The following RALGPS1 variants were observed in gnomAD, a reference collection of about 807,000 sequenced individuals.
RALGPS1 encodes Ral GEF with PH domain and SH3 binding motif 1.
A neutral mutation model predicts 78.8 loss-of-function variants in RALGPS1; 19 were observed. The ratio of observed to expected loss-of-function variants is 0.24; its 90% CI spans 0.17 to 0.35. The LOEUF (loss-of-function observed/expected upper bound fraction) is 0.35. RALGPS1 is among the 10% of genes least tolerant of loss of function. The pLI is 1.00. For missense variants in RALGPS1, 454 were observed against 688.3 expected, an observed-to-expected ratio of 0.66 and a Z score of 3.81; for synonymous variants, 228 against 256.3, an observed-to-expected ratio of 0.89 and a Z score of 1.06.
intron 3 of RALGPS1, among the ~76,000 whole-genome samples, chr9:126,972,498 T>C (rs1564338626): frequency 6.6e-6 from 1 of 152,230 alleles, no homozygotes; most frequent in Non-Finnish European, 1.5e-5. Context: ...ATCTAAGCAG[T>C]GAACATCAAT....
chr9:126,991,950 ACCTCATCTGTCATTGCTATATC>A (rs1486729320), intron 4 of RALGPS1, among the ~76,000 whole-genome samples: 1 of 152,192 alleles, frequency 6.6e-6, no homozygotes, highest in Non-Finnish European at 1.5e-5. Flanking sequence ...CAAGGGTAGG[ACCTCATCTGTCATTGCTATATC>A]CCTCATGGCA....
At chr9:127,070,173 T>C (rs756087140) in intron 8 of RALGPS1, among the ~76,000 whole-genome samples, 2 of 152,198 alleles carry the variant, frequency 1.3e-5, no homozygotes, top group Non-Finnish European at 2.9e-5. Flanking sequence ...ATCCCTCACA[T>C]GTGCAGTTCA....
intron 8 of RALGPS1, chr9:127,087,715 G>T (rs1459835655): frequency 6.6e-6 from 1 of 152,172 alleles, no homozygotes; most frequent in Non-Finnish European, 1.5e-5. Context: ...CTGAGAAGTG[G>T]CCTGTTTTCA....
chr9:127,126,379 G>T (rs2056619032), intron 8 of RALGPS1, among the ~76,000 whole-genome samples: 1 of 152,084 alleles, frequency 6.6e-6, no homozygotes, highest in Non-Finnish European at 1.5e-5. Context: ...TTCCATGTGG[G>T]TTTACTGAGC....
Position 127,218,878 on chromosome 9 carries a change from C to A in RALGPS1, c.*109C>A. Reference sequence around the variant, plus strand: ...CTGTGAGCCAGGGTGCTGGGAAACTCACAGCTGGACTCAGGGGACACGGCC... The same window carrying A: ...CTGTGAGCCAGGGTGCTGGGAAACTAACAGCTGGACTCAGGGGACACGGCC... On this transcript the variant is annotated 3_prime_UTR_variant, in exon 19 of 19. Transcript: ENST00000259351. This position sits in a 1 kb window ranked among gnomAD's most constrained non-coding sequence, Gnocchi z 4.4. 2 of 1,272,468 alleles carry A rather than the reference C, an allele frequency of 1.6e-6. No homozygotes were observed. The highest frequency in any genetic ancestry group is 1.1e-6 in the Non-Finnish European group (1 of 871,734). The allele number at this position is 1,272,468 out of a possible 1,614,324, so 78.8% of individuals were successfully genotyped here.
intron 14 of RALGPS1, among the ~76,000 whole-genome samples, chr9:127,203,997 A>T (rs2061792460): frequency 6.6e-6 from 1 of 152,130 alleles, no homozygotes; most frequent in South Asian, 2.1e-4. Flanking sequence ...CCACAGTGAA[A>T]GGCACAGCCA....
At chr9:127,084,765 C>T (rs772297192) in intron 8 of RALGPS1, among the ~76,000 whole-genome samples, 16 of 152,230 alleles carry the variant, frequency 1.1e-4, no homozygotes, top group Non-Finnish European at 2.1e-4. Context: ...AGAGCCAGTG[C>T]GGGGCCATGC....
Position 127,091,455 on chromosome 9 carries a change from T to C in RALGPS1, c.610+22099T>C, listed in dbSNP as rs1366719815. 6.6e-6 allele frequency among the ~76,000 whole-genome samples: 1 copy of C among 152,078 alleles called. No homozygotes were observed. The highest frequency in any genetic ancestry group is 2.4e-5 in the African/African-American group (1 of 41,400). On this transcript the variant is annotated intron_variant, in intron 8 of 18. Coordinates refer to ENST00000259351, the MANE Select transcript of RALGPS1 (RefSeq NM_014636.3). The surrounding 1 kb of genome is among the most constrained non-coding windows in gnomAD (Gnocchi z 4.3). Reference sequence around the variant, plus strand: ...GTCTCGCCCCATCCCATTTTTTTTTTCTTAATTTGTAAATGCCACTGTGAC... The same window carrying C: ...GTCTCGCCCCATCCCATTTTTTTTTCCTTAATTTGTAAATGCCACTGTGAC...
At chr9:127,120,678 A>T (rs2055963439) in intron 8 of RALGPS1, among the ~76,000 whole-genome samples, 1 of 152,030 alleles carries the variant, frequency 6.6e-6, no homozygotes, top group Non-Finnish European at 1.5e-5. Context: ...CACACACAAA[A>T]TTAGCTGGGC....
chr9:127,051,717 A>G (rs1374059585), intron 6 of RALGPS1, among the ~76,000 whole-genome samples: 1 of 152,210 alleles, frequency 6.6e-6, no homozygotes, highest in African/African-American at 2.4e-5. Flanking sequence ...TATGCATTTC[A>G]CTAGGCCCTA....
chr9:126,926,006 C>T lies in RALGPS1; in HGVS notation c.-66+11031C>T, dbSNP rs536569873. Among the ~76,000 whole-genome samples the T allele has an allele frequency of 7.2e-5, 11 of 152,314 alleles. No homozygotes were observed. In the South Asian group the frequency reaches 2.3e-3, roughly 32 times the overall value. On this transcript the variant is annotated intron_variant, in intron 1 of 18. Transcript: ENST00000259351. ...TCATGTTCTGGTCATGGCCTTGTTT[C>T]CTTGGACTGTGCCAGAAATAATGGA...
In RALGPS1 at chr9:126,952,084, A is replaced by G. The variant is rs554820213; in HGVS notation, c.-65-10141A>G. On this transcript the variant is annotated intron_variant, in intron 1 of 18. Coordinates refer to ENST00000259351, the MANE Select transcript of RALGPS1 (RefSeq NM_014636.3). The stretch of plus-strand genomic sequence containing the variant: ...ATTCACAATTGCTTCAAAGAGAATA[A>G]AGTACTTAGGAATCCAACTTACAAG... Among the ~76,000 whole-genome samples the G allele has an allele frequency of 4.6e-5, 7 of 152,298 alleles. No homozygotes were observed. In the South Asian group the frequency reaches 1.5e-3, roughly 32 times the overall value.
chr9:127,118,240 C>T (rs1024190673), intron 8 of RALGPS1, among the ~76,000 whole-genome samples: 33 of 152,178 alleles, frequency 2.2e-4, no homozygotes, highest in Admixed American at 1.0e-3. Context: ...GACAGGCCAT[C>T]GTAACGTTGT....
At chr9:127,114,147 G>T (rs370743588) in intron 8 of RALGPS1, among the ~76,000 whole-genome samples, 1 of 152,194 alleles carries the variant, frequency 6.6e-6, no homozygotes, top group African/African-American at 2.4e-5. Context: ...TTTGAGGGCC[G>T]CCATGCATGG....
intron 3 of RALGPS1, among the ~76,000 whole-genome samples, chr9:126,972,777 C>T (rs2040240524): frequency 6.6e-6 from 1 of 152,138 alleles, no homozygotes; most frequent in Non-Finnish European, 1.5e-5. Flanking sequence ...TTTAAAAGTA[C>T]ATATCGGCTG....
intron 4 of RALGPS1, chr9:127,016,531 A>C (rs576285314): frequency 1.3e-5 from 2 of 152,194 alleles, no homozygotes; most frequent in Middle Eastern, 3.2e-3. Context: ...AAAATTGCCA[A>C]TGTGAACGGC....
intron 1 of RALGPS1, among the ~76,000 whole-genome samples, chr9:126,960,044 A>G (rs2038726594): frequency 6.6e-6 from 1 of 152,156 alleles, no homozygotes; most frequent in Admixed American, 6.5e-5. Flanking sequence ...GTATTGGAGC[A>G]ACTTTGAGGG....
chr9:127,152,690 G>C (rs1056358461), intron 8 of RALGPS1, among the ~76,000 whole-genome samples: 1 of 152,308 alleles, frequency 6.6e-6, no homozygotes, highest in South Asian at 2.1e-4. Flanking sequence ...CACTAAGGCT[G>C]TCTGTCCATA....
intron 8 of RALGPS1, chr9:127,093,712 AC>A: frequency 6.2e-7 from 1 of 1,612,866 alleles, no homozygotes. Flanking sequence ...GGCAGCACAG[AC>A]ATCCCCTGCC....
Sources: gnomAD v4.1 joint callset for allele counts (sites outside exome capture counted in the v4.1 genomes callset) on GRCh38, gnomAD v4.1.1 for gene constraint, Gnocchi (gnomAD v3.1) non-coding constraint, MANE v1.5 for transcripts, NCBI Gene and HGNC (gene_info 2026-07-23, HGNC 2026-07-21) for gene names.